Variants in PTPRK observed in about 807,000 individuals in gnomAD.
PTPRK encodes receptor-type tyrosine-protein phosphatase kappa.
In PTPRK, 75 loss-of-function variants were observed where a neutral mutation model predicts 178.0. The observed-to-expected ratio is 0.42, with a 90% CI of 0.35 to 0.51. The LOEUF is 0.51. Among genes scored for constraint, PTPRK ranks in the 20% least tolerant of loss-of-function variants. PTPRK has a pLI of 0.02. For missense variants in PTPRK, 1,441 were observed against 1,797.8 expected, an observed-to-expected ratio of 0.80 and a Z score of 3.59; for synonymous variants, 637 against 620.6, an observed-to-expected ratio of 1.03 and a Z score of -0.39.
intron 2 of PTPRK, among the ~76,000 whole-genome samples, chr6:128,356,489 C>A (rs1043234976): frequency 2.0e-5 from 3 of 152,144 alleles, no homozygotes; most frequent in Non-Finnish European, 4.4e-5. Context: ...CTTTCCAAAG[C>A]AATGAGAACT....
chr6:128,151,281 T>C (rs572537141), intron 7 of PTPRK, among the ~76,000 whole-genome samples: 1 of 152,174 alleles, frequency 6.6e-6, no homozygotes, highest in East Asian at 1.9e-4. Context: ...TAAAATCCCA[T>C]ATGATTGCTC....
At chr6:128,451,617 G>C (rs138116732) in intron 1 of PTPRK, among the ~76,000 whole-genome samples, 1 of 151,740 alleles carries the variant, frequency 6.6e-6, no homozygotes, top group South Asian at 2.1e-4. Flanking sequence ...AAAAAGCCTC[G>C]GTAAATTTTT....
chr6:128,476,386 T>C (rs868523182), intron 1 of PTPRK, among the ~76,000 whole-genome samples: 1 of 152,108 alleles, frequency 6.6e-6, no homozygotes, highest in South Asian at 2.1e-4. Context: ...TTTTATTTGT[T>C]GTTGGTTAAA....
At chr6:128,378,988 TG>T (rs1189821682) in intron 2 of PTPRK, among the ~76,000 whole-genome samples, 1 of 152,154 alleles carries the variant, frequency 6.6e-6, no homozygotes, top group Non-Finnish European at 1.5e-5. Flanking sequence ...AATTATTGAA[TG>T]TCTATCACAG....
chr6:128,388,782 A>G (rs1839135131), intron 2 of PTPRK, among the ~76,000 whole-genome samples: 1 of 152,230 alleles, frequency 6.6e-6, no homozygotes, highest in Admixed American at 6.5e-5. Context: ...GTGAAATGAC[A>G]TATTTTAAAT....
At chr6:128,301,507 G>A (rs1203089295) in intron 3 of PTPRK, among the ~76,000 whole-genome samples, 3 of 151,786 alleles carry the variant, frequency 2.0e-5, no homozygotes, top group African/African-American at 4.8e-5. Flanking sequence ...AATATTATTA[G>A]TTACGATAAT....
chr6:127,996,797 A>G (rs1777201291), intron 17 of PTPRK, 104 bp downstream of exon 17: 2 of 1,355,806 alleles, frequency 1.5e-6, no homozygotes, highest in East Asian at 2.6e-5. Context: ...TATTAAATAG[A>G]TTACTTCATA....
At position 128,123,850 on chromosome 6, in the gene PTPRK, A is replaced by G. The variant is rs565475675; in HGVS notation, c.1163-33858T>C. Among the ~76,000 whole-genome samples the G allele has an allele frequency of 4.6e-5, 7 of 152,024 alleles. No individual in the cohort carries two copies. The East Asian group carries it at 1.4e-3, about 29-fold the overall frequency. ...TTGGAATTTGTCTGAATTTTTTTTC[A>G]TGATTATAAACTGAGTCTATGAGTT... On this transcript the variant is annotated intron_variant, in intron 7 of 29. Coordinates refer to ENST00000368226, the MANE Select transcript of PTPRK (RefSeq NM_002844.4).
chr6:128,070,565 G>T (rs1231741816), intron 11 of PTPRK, among the ~76,000 whole-genome samples: 3 of 152,002 alleles, frequency 2.0e-5, no homozygotes, highest in African/African-American at 7.2e-5. Flanking sequence ...CTGAGAACTG[G>T]CTTCCAAGCA....
intron 3 of PTPRK, among the ~76,000 whole-genome samples, chr6:128,291,747 T>C (rs1283937266): frequency 2.6e-5 from 4 of 152,100 alleles, no homozygotes; most frequent in Admixed American, 2.6e-4. Context: ...CAAACTTATG[T>C]TGTGTTTGTT....
In PTPRK at chr6:128,089,086, C is replaced by T. The variant is rs139593100; in HGVS notation, c.1465+604G>A. Among the ~76,000 whole-genome samples, 73 of 152,218 alleles carry T rather than the reference C, an allele frequency of 4.8e-4. 1 individual carries two copies. Among genetic ancestry groups the T allele is most frequent in the African/African-American group, 1.6e-3 (68 of 41,526 alleles). On this transcript the variant is annotated intron_variant, in intron 8 of 29. Coordinates refer to ENST00000368226, the MANE Select transcript of PTPRK (RefSeq NM_002844.4). ...AAGTGATTCTCCTGCCTTGACCTCC[C>T]GAATAGCTGAGATTGGCAGGCACCC... is the stretch of plus-strand genomic sequence containing the variant.
At chr6:128,023,184 T>C (rs1773787363) in intron 13 of PTPRK, among the ~76,000 whole-genome samples, 1 of 152,202 alleles carries the variant, frequency 6.6e-6, no homozygotes, top group Admixed American at 6.5e-5. Flanking sequence ...AGCTATCCAA[T>C]AAATTGTTAA....
chr6:128,374,527 G>C (rs1258194664), intron 2 of PTPRK, among the ~76,000 whole-genome samples: 1 of 151,956 alleles, frequency 6.6e-6, no homozygotes, highest in Non-Finnish European at 1.5e-5. Context: ...CAGTGCTCAG[G>C]CTAAAACAAT....
At position 128,022,102 on chromosome 6, in the gene PTPRK, C is replaced by T. The variant is rs117947572; in HGVS notation, c.2195-12834G>A. The stretch of plus-strand genomic sequence containing the variant: ...GAGATTTGACCACCAACACTCTGTA[C>T]GCCACTGTTTGGAAAACAGAGTTTT... On this transcript the variant is annotated intron_variant, in intron 13 of 29. Coordinates refer to ENST00000368226, the MANE Select transcript of PTPRK (RefSeq NM_002844.4). Among the ~76,000 whole-genome samples, 545 of 152,012 alleles carry T rather than the reference C, an allele frequency of 3.6e-3. 2 individuals are homozygous for T. Among genetic ancestry groups the T allele is most frequent in the Non-Finnish European group, 5.0e-3 (338 of 68,016 alleles).
At chr6:128,151,551 T>C (rs1165372913) in intron 7 of PTPRK, among the ~76,000 whole-genome samples, 1 of 151,848 alleles carries the variant, frequency 6.6e-6, no homozygotes, top group African/African-American at 2.4e-5. Flanking sequence ...GCAGATCAGA[T>C]AGTTATTTAA....
intron 1 of PTPRK, among the ~76,000 whole-genome samples, chr6:128,449,824 G>A (rs911230204): frequency 2.6e-5 from 4 of 151,948 alleles, no homozygotes; most frequent in African/African-American, 4.8e-5. Context: ...GGCTGGGTGC[G>A]GTGGCTCATG....
chr6:128,161,617 A>C (rs927476951), intron 7 of PTPRK, among the ~76,000 whole-genome samples: 6 of 151,622 alleles, frequency 4.0e-5, no homozygotes, highest in African/African-American at 1.4e-4. Flanking sequence ...TTTAACTCTT[A>C]TAAAATTAAA....
chr6:128,372,381 A>T (rs781077280), intron 2 of PTPRK, among the ~76,000 whole-genome samples: 1 of 152,214 alleles, frequency 6.6e-6, no homozygotes, highest in Non-Finnish European at 1.5e-5. Flanking sequence ...TGGGTGTGGT[A>T]ATTAAAATCA....
Position 128,019,839 on chromosome 6 carries a change from T to C in PTPRK, c.2195-10571A>G, listed in dbSNP as rs116378708. ...GGACAAGGTGGAGTGCCTTGGTGAC[T>C]GTGTTAGATTTGGAGCTGAGAGAAG... On this transcript the variant is annotated intron_variant, in intron 13 of 29. Coordinates refer to ENST00000368226, the MANE Select transcript of PTPRK (RefSeq NM_002844.4). Among the ~76,000 whole-genome samples, 383 of 152,248 alleles carry C rather than the reference T, an allele frequency of 2.5e-3. 4 individuals carry two copies. The highest frequency in any genetic ancestry group is 8.5e-3 in the African/African-American group (354 of 41,568).
Sources: allele counts gnomAD v4.1 joint callset (sites outside exome capture counted in the v4.1 genomes callset), GRCh38; gene constraint gnomAD v4.1.1; transcripts MANE v1.5; gene names NCBI Gene and HGNC (gene_info 2026-07-23, HGNC 2026-07-21).